Variants in MKLN1 observed in about 807,000 individuals in gnomAD.
MKLN1 encodes muskelin 1.
In MKLN1, 18 loss-of-function variants were observed where a neutral mutation model predicts 99.0. That is an observed-to-expected ratio of 0.18 (90% CI 0.13 to 0.27). The LOEUF is 0.27. Ranked by LOEUF, MKLN1 falls within the 10% of genes least tolerant of loss-of-function variation. The probability of loss-of-function intolerance (pLI) is 1.00; values close to 1 mark genes in which losing one functional copy is unlikely to be tolerated. For missense variants in MKLN1, 621 were observed against 875.9 expected, an observed-to-expected ratio of 0.71 and a Z score of 3.67; for synonymous variants, 288 against 293.2, an observed-to-expected ratio of 0.98 and a Z score of 0.18.
intron 3 of MKLN1, among the ~76,000 whole-genome samples, chr7:131,246,054 C>T (rs1257214175): frequency 1.3e-5 from 2 of 152,220 alleles, no homozygotes; most frequent in Non-Finnish European, 1.5e-5. Context: ...GTTCTGGACA[C>T]CTGGGGAGGG....
intron 10 of MKLN1, among the ~76,000 whole-genome samples, chr7:131,438,291 T>C (rs537497137): frequency 6.6e-6 from 1 of 152,088 alleles, no homozygotes; most frequent in Middle Eastern, 3.4e-3. Flanking sequence ...ATAATACATA[T>C]GCATAAATCA....
intron 2 of MKLN1, among the ~76,000 whole-genome samples, chr7:131,382,645 C>A (rs1011970348): frequency 6.6e-6 from 1 of 152,160 alleles, no homozygotes; most frequent in Non-Finnish European, 1.5e-5. Flanking sequence ...TCTCCCCACT[C>A]ACTGCCCCAG....
At chr7:131,150,401 C>G (rs1795871707) in intron 2 of MKLN1, among the ~76,000 whole-genome samples, 3 of 152,228 alleles carry the variant, frequency 2.0e-5, no homozygotes, top group Admixed American at 1.3e-4. Flanking sequence ...GTGAAAGGAT[C>G]CCCTGAGCCC....
intron 1 of MKLN1, among the ~76,000 whole-genome samples, chr7:131,349,575 T>C (rs1244558452): frequency 6.6e-6 from 1 of 152,236 alleles, no homozygotes; most frequent in Non-Finnish European, 1.5e-5. Context: ...AGTAAATCAT[T>C]GCCAGATCAT....
chr7:131,212,005 T>G (rs1318740685), intron 3 of MKLN1, among the ~76,000 whole-genome samples: 1 of 152,146 alleles, frequency 6.6e-6, no homozygotes, highest in Admixed American at 6.6e-5. Context: ...GTTGAAAATA[T>G]GAAATGCCAG....
intron 3 of MKLN1, among the ~76,000 whole-genome samples, chr7:131,282,096 TC>T (rs781281222): frequency 6.6e-6 from 1 of 152,132 alleles, no homozygotes; most frequent in Non-Finnish European, 1.5e-5. Context: ...ATGCCTGTAA[TC>T]CCAGCACTTT....
At chr7:131,408,244 A>G (rs887992038) in intron 6 of MKLN1, among the ~76,000 whole-genome samples, 1 of 152,104 alleles carries the variant, frequency 6.6e-6, no homozygotes, top group Non-Finnish European at 1.5e-5. Flanking sequence ...TCAGTGTCAT[A>G]ATATTGACTA....
chr7:131,263,973 G>A (rs1797771717), intron 3 of MKLN1, among the ~76,000 whole-genome samples: 1 of 152,164 alleles, frequency 6.6e-6, no homozygotes, highest in Admixed American at 6.5e-5. Flanking sequence ...CCTGTATAAA[G>A]GATAAGAAGA....
intron 6 of MKLN1, among the ~76,000 whole-genome samples, chr7:131,401,036 CAG>C (rs1205101378): frequency 6.6e-6 from 1 of 152,046 alleles, no homozygotes; most frequent in African/African-American, 2.4e-5. Flanking sequence ...GTAAACAGTG[CAG>C]AGTTTTTTGG....
At position 131,414,648 on chromosome 7, in the gene MKLN1, A is replaced by T. The variant is rs779649741; in HGVS notation, c.785A>T (p.Asp262Val). 1.9e-6 allele frequency: 3 copies of T among 1,603,072 alleles called. No individual in the cohort carries two copies. The highest frequency in any genetic ancestry group is 2.6e-6 in the Non-Finnish European group (3 of 1,172,304). ...SQIIPKSTKG[D>V]GEDNRPGMRG... ...GAAACTATTATTTCTTCTAAAGGTG[A>T]TGGGGAAGATAACCGTCCAGGAATG... Residue 262 changes from aspartate (D) to valine (V), a missense_variant, in exon 8 of 18, where the codon GAT (aspartate) becomes GTT (valine). By Grantham distance (152) the Asp-to-Val change is radical. Around this residue, in one of 8 missense-constraint regions of MKLN1, gnomAD observed 361 missense variants for 540.8 expected, o/e 0.67. Coordinates refer to ENST00000352689, the MANE Select transcript of MKLN1 (RefSeq NM_013255.5).
At chr7:131,110,254 G>T (rs79845865) in intron 1 of MKLN1, 21 of 161,182 alleles carry the variant, frequency 1.3e-4, no homozygotes, top group Non-Finnish European at 2.6e-4. Flanking sequence ...GAGCGCGCAG[G>T]GGGGTAAGGT....
intron 1 of MKLN1, among the ~76,000 whole-genome samples, chr7:131,134,623 G>A (rs1304104528): frequency 6.6e-6 from 1 of 152,020 alleles, no homozygotes; most frequent in Non-Finnish European, 1.5e-5. Context: ...ACCTCGGCCC[G>A]TCTCTCCTAC....
rs561107808 is a variant in MKLN1 at position 131,465,831 on chromosome 7, G to T, written c.1789-445G>T. Among the ~76,000 whole-genome samples the T allele has an allele frequency of 2.0e-4, 31 of 152,210 alleles. No individual in the cohort carries two copies. The South Asian group carries it at 5.6e-3, about 28-fold the overall frequency. On this transcript the variant is annotated intron_variant, in intron 14 of 17. Transcript: ENST00000352689. ...TGGGATTACAGGCGTGAGCCACCGC[G>T]CCTGGCCTAAAATTTTTTTAAAGTT...
chr7:131,296,267 C>A (rs945967283), intron 3 of MKLN1, among the ~76,000 whole-genome samples: 4 of 152,132 alleles, frequency 2.6e-5, no homozygotes, highest in African/African-American at 9.7e-5. Context: ...ATCAGTTAGG[C>A]AACAAATAAA....
At chr7:131,341,581 T>C (rs1799409128) in intron 1 of MKLN1, among the ~76,000 whole-genome samples, 1 of 152,230 alleles carries the variant, frequency 6.6e-6, no homozygotes, top group Non-Finnish European at 1.5e-5. Context: ...AGCCGTTTAT[T>C]AGTACAGTGG....
intron 2 of MKLN1, among the ~76,000 whole-genome samples, chr7:131,181,364 A>G (rs1013157340): frequency 1.3e-5 from 2 of 152,230 alleles, no homozygotes; most frequent in African/African-American, 4.8e-5. Flanking sequence ...ATTAAAATGT[A>G]TTGGTATTTA....
At chr7:131,399,460 G>T in intron 6 of MKLN1, 27 bp downstream of exon 6, 1 of 1,577,968 alleles carries the variant, frequency 6.3e-7, no homozygotes. Context: ...GGTTATTAGG[G>T]TAAATTCAAG....
chr7:131,298,272 G>GAA (rs35184610), intron 3 of MKLN1, among the ~76,000 whole-genome samples: 192 of 143,308 alleles, frequency 1.3e-3, no homozygotes, highest in African/African-American at 3.9e-3. Context: ...CTCGGTCTCA[G>GAA]AAAAAAAAAA....
intron 1 of MKLN1, among the ~76,000 whole-genome samples, chr7:131,123,409 T>A (rs1795406301): frequency 6.6e-6 from 1 of 152,260 alleles, no homozygotes; most frequent in Non-Finnish European, 1.5e-5. Context: ...AAAATGAATT[T>A]GAATTTCAAA....
Sources: gnomAD v4.1 joint callset for allele counts (sites outside exome capture counted in the v4.1 genomes callset) on GRCh38, gnomAD v4.1.1 for gene constraint, gnomAD v4.1.1 regional missense constraint, MANE v1.5 for transcripts, NCBI Gene and HGNC (gene_info 2026-07-23, HGNC 2026-07-21) for gene names.